NRXN3: variants seen among roughly 807,000 people sequenced by gnomAD.
The protein encoded by NRXN3 is neurexin 3.
In NRXN3, 32 loss-of-function variants were observed where a neutral mutation model predicts 137.6. The observed-to-expected ratio is 0.23, with a 90% CI of 0.18 to 0.31. The LOEUF is 0.31. Ranked by LOEUF, NRXN3 falls within the 10% of genes least tolerant of loss-of-function variation. The probability of loss-of-function intolerance (pLI) is 1.00; values close to 1 mark genes in which losing one functional copy is unlikely to be tolerated. For missense variants in NRXN3, 1,574 were observed against 2,062.5 expected (o/e 0.76, Z 4.59); for synonymous variants, 798 against 784.5 (o/e 1.02, Z -0.29).
chr14:78,586,276 G>C (rs1421647589), intron 4 of NRXN3, among the ~76,000 whole-genome samples: 2 of 152,020 alleles, frequency 1.3e-5, no homozygotes, highest in African/African-American at 4.8e-5. Flanking sequence ...CCTTGATTTA[G>C]AGATCAAGGA....
At chr14:78,576,809 C>T (rs1474608766) in intron 4 of NRXN3, among the ~76,000 whole-genome samples, 1 of 152,134 alleles carries the variant, frequency 6.6e-6, no homozygotes, top group Non-Finnish European at 1.5e-5. Context: ...TTTGCGACTT[C>T]CTATACTGGG....
intron 19 of NRXN3, among the ~76,000 whole-genome samples, chr14:79,708,884 A>T (rs1407011150): frequency 6.6e-6 from 1 of 152,196 alleles, no homozygotes; most frequent in East Asian, 1.9e-4. Context: ...GGTGGCTAGC[A>T]GTCACTGAGA....
intron 4 of NRXN3, among the ~76,000 whole-genome samples, chr14:78,600,441 T>A (rs1407528292): frequency 6.6e-6 from 1 of 152,222 alleles, no homozygotes; most frequent in African/African-American, 2.4e-5. Context: ...CCAATGTTTG[T>A]ACCTAATTAC....
chr14:78,925,394 A>G (rs1223881970), intron 10 of NRXN3, among the ~76,000 whole-genome samples: 1 of 152,212 alleles, frequency 6.6e-6, no homozygotes, highest in Non-Finnish European at 1.5e-5. Flanking sequence ...CTTTTGCCTT[A>G]TAACACTACA....
intron 8 of NRXN3, among the ~76,000 whole-genome samples, chr14:78,771,021 C>T (rs8012207): frequency 0.085 from 12,888 of 152,222 alleles, 596 homozygotes; most frequent in South Asian, 0.14. Flanking sequence ...TCCTGTGGTT[C>T]CATGCTGTTG....
intron 16 of NRXN3, among the ~76,000 whole-genome samples, chr14:79,559,500 A>G (rs982230227): frequency 6.6e-6 from 1 of 152,158 alleles, no homozygotes; most frequent in Non-Finnish European, 1.5e-5. Context: ...CAGTTTGGGC[A>G]AGGTGTGTGG....
chr14:79,105,643 G>A (rs538718434), intron 15 of NRXN3, among the ~76,000 whole-genome samples: 2 of 152,184 alleles, frequency 1.3e-5, no homozygotes, highest in Admixed American at 1.3e-4. Context: ...GCAGAGCTGA[G>A]CAAACATAAG....
rs2099417788 is a variant in NRXN3 at position 79,865,616 on chromosome 14, TTCA to T, written c.*3653_*3655del. 2.0e-5 allele frequency: 3 copies of T among 152,110 alleles called. No homozygotes were observed. Among genetic ancestry groups the T allele is most frequent in the Admixed American group, 2.0e-4 (3 of 15,268 alleles). 9.4% of individuals were successfully genotyped at this position (152,110 alleles called of 1,614,324 possible). ...GTAAAGTTTTTTTTTTGTTCCTGTC[TTCA>T]AAGTTCTGTATTAGATGTTCTCCCA... On this transcript the variant is annotated 3_prime_UTR_variant, in exon 21 of 21. Coordinates refer to ENST00000335750, the MANE Select transcript of NRXN3 (RefSeq NM_001330195.2).
chr14:79,223,582 GA>G (rs1286249504), intron 15 of NRXN3, among the ~76,000 whole-genome samples: 2 of 150,136 alleles, frequency 1.3e-5, no homozygotes, highest in African/African-American at 5.0e-5. Flanking sequence ...TTTCTTATAA[GA>G]AAAAAATGGT....
chr14:79,043,671 C>G (rs567038429), intron 15 of NRXN3, among the ~76,000 whole-genome samples: 2 of 152,248 alleles, frequency 1.3e-5, no homozygotes, highest in South Asian at 4.2e-4. Context: ...CTGCCATCCT[C>G]TAGGTGGTGG....
chr14:78,887,347 TGA>T (rs1334738112), intron 10 of NRXN3, among the ~76,000 whole-genome samples: 1 of 152,038 alleles, frequency 6.6e-6, no homozygotes, highest in Non-Finnish European at 1.5e-5. Flanking sequence ...TTTAGGCTAT[TGA>T]GAGAGAAAGA....
At chr14:78,718,635 G>C in intron 8 of NRXN3, among the ~76,000 whole-genome samples, 1 of 152,296 alleles carries the variant, frequency 6.6e-6, no homozygotes, top group Middle Eastern at 3.4e-3. Flanking sequence ...TCATAAGAGT[G>C]CTTCTTCTGC....
At chr14:79,465,954 G>A (rs1302429799) in intron 15 of NRXN3, among the ~76,000 whole-genome samples, 1 of 152,204 alleles carries the variant, frequency 6.6e-6, no homozygotes, top group African/African-American at 2.4e-5. Context: ...AATTAAAAAT[G>A]TGTTTCTTGA....
chr14:78,361,685 A>G (rs1355260822), intron 4 of NRXN3, among the ~76,000 whole-genome samples: 2 of 152,228 alleles, frequency 1.3e-5, no homozygotes, highest in Admixed American at 1.3e-4. Flanking sequence ...ACTGTTGTGA[A>G]GTCAAGAATA....
At chr14:78,874,809 G>A (rs931967450) in intron 10 of NRXN3, among the ~76,000 whole-genome samples, 4 of 152,228 alleles carry the variant, frequency 2.6e-5, no homozygotes, top group South Asian at 2.1e-4. Context: ...TTGATGGGGA[G>A]TAGATGCCAG....
rs560784065 is a variant in NRXN3, at chr14:79,385,307, G to C, written c.3263-81914G>C. Among the ~76,000 whole-genome samples, 3 of 148,570 alleles carry C rather than the reference G, an allele frequency of 2.0e-5. No individual in the cohort carries two copies. In the East Asian group the frequency reaches 5.9e-4, roughly 29 times the overall value. On this transcript the variant is annotated intron_variant, in intron 15 of 20. Coordinates refer to ENST00000335750, the MANE Select transcript of NRXN3 (RefSeq NM_001330195.2). The stretch of plus-strand genomic sequence containing the variant: ...TCCCACCTATGAGTGAGAATATGTG[G>C]TGTTTGGTTTTTTGTTCTTGCGATA...
intron 10 of NRXN3, among the ~76,000 whole-genome samples, chr14:78,907,281 A>C (rs2099220758): frequency 6.6e-6 from 1 of 152,018 alleles, no homozygotes; most frequent in African/African-American, 2.4e-5. Flanking sequence ...GCTTTGGAAT[A>C]GTATCTCCTG....
intron 1 of NRXN3, among the ~76,000 whole-genome samples, chr14:78,192,062 G>A (rs1162341116): frequency 8.2e-6 from 1 of 122,622 alleles, no homozygotes; most frequent in Non-Finnish European, 1.7e-5. Flanking sequence ...TTGGCTGCCC[G>A]AAAGTGTGTG....
chr14:79,304,801 G>T (rs1281266317), intron 15 of NRXN3, among the ~76,000 whole-genome samples: 2 of 152,034 alleles, frequency 1.3e-5, no homozygotes, highest in Non-Finnish European at 2.9e-5. Context: ...CACCATTGAA[G>T]CATTCTTCAA....
Sources: allele counts gnomAD v4.1 joint callset (sites outside exome capture counted in the v4.1 genomes callset), GRCh38; gene constraint gnomAD v4.1.1; transcripts MANE v1.5; gene names NCBI Gene and HGNC (gene_info 2026-07-23, HGNC 2026-07-21).